RBM14: variants seen among roughly 807,000 people sequenced by gnomAD.
RBM14 encodes RNA-binding protein 14.
RBM14 carries 5 observed loss-of-function variants against 52.8 expected under a neutral mutation model. That is an observed-to-expected ratio of 0.09 (90% CI 0.05 to 0.20). RBM14 has a LOEUF of 0.20. RBM14 is among the 10% of genes least tolerant of loss of function. The pLI is 1.00. For missense variants in RBM14, 780 were observed against 926.6 expected (o/e 0.84, Z 2.05); for synonymous variants, 411 against 401.8 (o/e 1.02, Z -0.28).
chr11:66,620,194 C>G (rs1227875352), intron 1 of RBM14, among the ~76,000 whole-genome samples: 2 of 152,224 alleles, frequency 1.3e-5, no homozygotes, highest in Non-Finnish European at 1.5e-5. Flanking sequence ...GCTGGGCAAC[C>G]TATTCACACT....
intron 1 of RBM14, 23 bp downstream of exon 1, chr11:66,617,080 G>T: frequency 1.3e-6 from 2 of 1,554,126 alleles, no homozygotes; most frequent in South Asian, 1.2e-5. Context: ...CGCGCTCGGG[G>T]GCGGGGGCGC....
At position 66,621,895 on chromosome 11, in the gene RBM14, G is replaced by A. The variant is rs186463183; in HGVS notation, c.338-2319G>A. 3.0e-3 allele frequency among the ~76,000 whole-genome samples: 463 copies of A among 152,168 alleles called. 1 individual carries two copies. The highest frequency in any genetic ancestry group is 5.6e-3 in the Non-Finnish European group (383 of 68,002). On this transcript the variant is annotated intron_variant, in intron 1 of 2. Transcript: ENST00000310137. ...TTGAGGTAGGTAGGATAGATGTGTC[G>A]GAGGAAATACATGGTAAGTTTCTTT...
intron 1 of RBM14, among the ~76,000 whole-genome samples, chr11:66,618,776 C>T (rs1245843431): frequency 6.6e-6 from 1 of 152,172 alleles, no homozygotes; most frequent in Non-Finnish European, 1.5e-5. Flanking sequence ...CTCCCTGGAA[C>T]TCAGGCTTCT....
rs56790408 is a variant in RBM14, at chr11:66,627,074, G to A, written c.*406G>A. ...TTAGATGGGAAGGAGGCCAGGAAAG[G>A]GTCAGCTTAACCATTTCCTATGTGC... On this transcript the variant is annotated 3_prime_UTR_variant, in exon 3 of 3. Transcript: ENST00000310137. The A allele has an allele frequency of 2.2e-3, 395 of 175,976 alleles. 1 individual carries two copies. Among genetic ancestry groups the A allele is most frequent in the African/African-American group, 9.1e-3 (380 of 41,786 alleles). The allele number at this position is 175,976 out of a possible 1,614,324, so 10.9% of individuals were successfully genotyped here.
In RBM14 at chr11:66,626,531, C is replaced by T. The variant is rs1327713240; in HGVS notation, c.1873C>T (p.Arg625Cys). The change falls in exon 3 of 3, where the codon CGC becomes TGC. Residue 625 changes from arginine to cysteine, a missense_variant. Arg to Cys is a radical substitution (Grantham distance 180). Transcript: ENST00000310137. ...RRLSESQLSF[R>C]RSPTKSSLDY... ...TTTATCAGAGTCGCAGCTTTCGTTC[C>T]GCCGCTCGCCGACAAAGTCCTCGCT... 9 of 1,613,990 alleles carry T rather than the reference C, an allele frequency of 5.6e-6. No homozygotes were observed. The highest frequency in any genetic ancestry group is 2.2e-5 in the East Asian group (1 of 44,888).
chr11:66,618,285 C>T (rs1026399745), intron 1 of RBM14, among the ~76,000 whole-genome samples: 2 of 151,944 alleles, frequency 1.3e-5, no homozygotes, highest in African/African-American at 4.8e-5. Flanking sequence ...CTGCTCATAC[C>T]CTGTGTGAGA....
At chr11:66,621,958 AG>A (rs1859132602) in intron 1 of RBM14, among the ~76,000 whole-genome samples, 1 of 152,022 alleles carries the variant, frequency 6.6e-6, no homozygotes, top group South Asian at 2.1e-4. Flanking sequence ...CTTGTCACCC[AG>A]GCTGGAGTGC....
chr11:66,619,766 C>G (rs1056630592), intron 1 of RBM14, among the ~76,000 whole-genome samples: 7 of 152,292 alleles, frequency 4.6e-5, no homozygotes, highest in South Asian at 2.1e-4. Context: ...CGGGGTTTCA[C>G]TGTGTTAGCC....
At chr11:66,618,501 A>T (rs966164746) in intron 1 of RBM14, 34 of 717,326 alleles carry the variant, frequency 4.7e-5, no homozygotes, top group Non-Finnish European at 8.3e-5. Context: ...CTCAGGTTAT[A>T]CAAGTCCACG....
Position 66,624,837 on chromosome 11 carries a change from C to G in RBM14, c.961C>G (p.Gln321Glu). ...SASALSSYGG[Q>E]AAAASSLNSY... ...CTCGGCCCTTTCCTCCTATGGGGGT[C>G]AGGCAGCTGCAGCTTCTTCGCTCAA... The change falls in exon 2 of 3, where the codon CAG becomes GAG. Residue 321 changes from glutamine (Q) to glutamate (E), a missense_variant. Physicochemically the swap from Gln to Glu is conservative, Grantham distance 29. Around this residue, in one of 4 missense-constraint regions of RBM14, gnomAD observed 675 missense variants for 697.3 expected, o/e 0.97. Transcript: ENST00000310137. This position sits in a 1 kb window ranked among gnomAD's most constrained non-coding sequence, Gnocchi z 4.7. The G allele has an allele frequency of 6.2e-7, 1 of 1,613,966 alleles. No homozygotes were observed. The highest frequency in any genetic ancestry group is 8.5e-7 in the Non-Finnish European group (1 of 1,179,932).
At position 66,624,916 on chromosome 11, in the gene RBM14, CT is replaced by C; in HGVS notation, c.1042del (p.Tyr348ThrfsTer27). 1.2e-6 allele frequency: 2 copies of C among 1,614,016 alleles called. No individual in the cohort carries two copies. The highest frequency in any genetic ancestry group is 3.3e-4 in the Middle Eastern group (2 of 6,062). On this transcript the variant is annotated frameshift_variant, in exon 2 of 3. Transcript: ENST00000310137. LOFTEE classifies it high-confidence loss of function. This position sits in a 1 kb window ranked among gnomAD's most constrained non-coding sequence, Gnocchi z 4.7. ...GCCTCCTATGGTAACCAGCCATCCTCTTACGGCGCCCAGGCTGCCTCTTCCT... is the reference window on the plus strand; with the variant it reads ...GCCTCCTATGGTAACCAGCCATCCTCTACGGCGCCCAGGCTGCCTCTTCCT... Reference protein sequence around the residue: ...SLASYGNQPSSYGAQAASSYG... With the variant: ...SLASYGNQPSXYGAQAASSYG...
At chr11:66,620,553 C>T (rs537957046) in intron 1 of RBM14, among the ~76,000 whole-genome samples, 23 of 152,254 alleles carry the variant, frequency 1.5e-4, no homozygotes, top group Non-Finnish European at 2.6e-4. Flanking sequence ...CTTCCTGCCT[C>T]GGCCTCCCAA....
chr11:66,624,517 G>A lies in RBM14; in HGVS notation c.641G>A (p.Arg214His), dbSNP rs758125063. ...QPTPPFFGRDRSPLRRSPPRA... is the reference protein window; with the variant it reads ...QPTPPFFGRDHSPLRRSPPRA... ...ACACCACCCTTCTTTGGTCGCGACCGCAGCCCTCTGCGCCGTTCACCTCCC... is the reference window on the plus strand; with the variant it reads ...ACACCACCCTTCTTTGGTCGCGACCACAGCCCTCTGCGCCGTTCACCTCCC... The change falls in exon 2 of 3, where the codon CGC becomes CAC. Residue 214 changes from arginine to histidine, a missense_variant. Physicochemically the swap from Arg to His is conservative, Grantham distance 29. Coordinates refer to ENST00000310137, the MANE Select transcript of RBM14 (RefSeq NM_006328.4). This position sits in a 1 kb window ranked among gnomAD's most constrained non-coding sequence, Gnocchi z 4.7. 4 of 1,612,770 alleles carry A rather than the reference G, an allele frequency of 2.5e-6. No individual in the cohort carries two copies. Among genetic ancestry groups the A allele is most frequent in the Non-Finnish European group, 3.4e-6 (4 of 1,179,378 alleles).
chr11:66,629,767 T>G lies in RBM14; in HGVS notation c.*3099T>G, dbSNP rs1256134322. ...GGGTTTTATGTCTAGATTTAAATCA[T>G]GTATCTGTCTGTAGTGCTTCAAATG... is the stretch of plus-strand genomic sequence containing the variant. On this transcript the variant is annotated 3_prime_UTR_variant, in exon 3 of 3. Transcript: ENST00000310137. 6.6e-6 allele frequency among the ~76,000 whole-genome samples: 1 copy of G among 152,180 alleles called. No individual in the cohort carries two copies. Among genetic ancestry groups the G allele is most frequent in the African/African-American group, 2.4e-5 (1 of 41,446 alleles).
Position 66,625,528 on chromosome 11 carries a change from C to T in RBM14, c.1652C>T (p.Ala551Val), listed in dbSNP as rs1937760268. 1 of 1,612,412 alleles carries T rather than the reference C, an allele frequency of 6.2e-7. No individual in the cohort carries two copies. The change falls in exon 2 of 3, where the codon GCA becomes GTA. Residue 551 changes from alanine to valine, a missense_variant. Transcript: ENST00000310137. The surrounding 1 kb of genome is among the most constrained non-coding windows in gnomAD (Gnocchi z 4.2). Reference protein sequence around the residue: ...RGQPGNAYDGAGQPSAAYLSM... With the variant: ...RGQPGNAYDGVGQPSAAYLSM... ...CAGCCAGGCAATGCCTACGATGGGGCAGGTCAGCCGTCTGCAGCCTACCTG... is the reference window on the plus strand; with the variant it reads ...CAGCCAGGCAATGCCTACGATGGGGTAGGTCAGCCGTCTGCAGCCTACCTG...
At position 66,624,051 on chromosome 11, in the gene RBM14, T is replaced by C; in HGVS notation, c.338-163T>C. On this transcript the variant is annotated intron_variant, in intron 1 of 2. Transcript: ENST00000310137. The surrounding 1 kb of genome is among the most constrained non-coding windows in gnomAD (Gnocchi z 4.7). The stretch of plus-strand genomic sequence containing the variant: ...CTGCTTGGGACAGTCAGAAGCTTTG[T>C]TATATGGGAGCTACATTTTATGACA... 1 of 1,193,580 alleles carries C rather than the reference T, an allele frequency of 8.4e-7. No individual in the cohort carries two copies. Among genetic ancestry groups the C allele is most frequent in the Non-Finnish European group, 1.2e-6 (1 of 821,646 alleles). 73.9% of individuals were successfully genotyped at this position (1,193,580 alleles called of 1,614,324 possible).
chr11:66,623,496 G>A (rs1418855104), intron 1 of RBM14, among the ~76,000 whole-genome samples: 1 of 152,218 alleles, frequency 6.6e-6, no homozygotes, highest in Non-Finnish European at 1.5e-5. Flanking sequence ...CACACTTTGA[G>A]TGGGGCAAGC....
intron 1 of RBM14, among the ~76,000 whole-genome samples, chr11:66,623,525 C>G (rs762617430): frequency 6.6e-6 from 1 of 152,210 alleles, no homozygotes; most frequent in Non-Finnish European, 1.5e-5. Flanking sequence ...AACTCTTGAG[C>G]ATGTATGTCC....
intron 1 of RBM14, among the ~76,000 whole-genome samples, chr11:66,622,640 A>G (rs1258198441): frequency 6.6e-6 from 1 of 152,168 alleles, no homozygotes; most frequent in African/African-American, 2.4e-5. Context: ...TCTGACTTCT[A>G]CTTATTGATT....
Sources: gnomAD v4.1 joint callset for allele counts (sites outside exome capture counted in the v4.1 genomes callset) on GRCh38, gnomAD v4.1.1 for gene constraint, gnomAD v4.1.1 regional missense constraint, Gnocchi (gnomAD v3.1) non-coding constraint, MANE v1.5 for transcripts, NCBI Gene and HGNC (gene_info 2026-07-23, HGNC 2026-07-21) for gene names.